Variants in PPP1R8 observed in about 807,000 individuals in gnomAD.
PPP1R8 encodes the protein nuclear inhibitor of protein phosphatase 1.
Under a neutral mutation model 31.3 loss-of-function variants are expected in PPP1R8, and 4 were observed. That is an observed-to-expected ratio of 0.13 (90% CI 0.06 to 0.29). PPP1R8 has a LOEUF of 0.29. Ranked by LOEUF, PPP1R8 falls within the 10% of genes least tolerant of loss-of-function variation. PPP1R8 has a pLI of 1.00. For missense variants in PPP1R8, 254 were observed against 440.1 expected, an observed-to-expected ratio of 0.58 and a Z score of 3.78; for synonymous variants, 170 against 169.7, an observed-to-expected ratio of 1.00 and a Z score of -0.01.
intron 2 of PPP1R8, among the ~76,000 whole-genome samples, chr1:27,836,030 G>C (rs1009186123): frequency 6.6e-6 from 1 of 152,190 alleles, no homozygotes; most frequent in Non-Finnish European, 1.5e-5. Context: ...GGGGATAATA[G>C]CAGCCCATTG....
intron 1 of PPP1R8, chr1:27,831,314 G>A (rs2089103438): frequency 1.5e-5 from 15 of 996,846 alleles, no homozygotes; most frequent in Non-Finnish European, 1.8e-5. Context: ...ATCCCTCTGT[G>A]GTTGCTGCAT....
chr1:27,843,402 G>T, intron 5 of PPP1R8, 72 bp downstream of exon 5: 2 of 1,586,750 alleles, frequency 1.3e-6, no homozygotes, highest in South Asian at 2.2e-5. Context: ...CACGCCTGTA[G>T]TCCTAGCACT....
intron 1 of PPP1R8, chr1:27,831,147 G>C: frequency 3.2e-6 from 4 of 1,262,724 alleles, no homozygotes; most frequent in Non-Finnish European, 3.0e-6. Context: ...TGAGCGATTA[G>C]CCAGTCGCCG....
intron 2 of PPP1R8, among the ~76,000 whole-genome samples, chr1:27,835,143 C>G (rs2089152737): frequency 6.6e-6 from 1 of 151,402 alleles, no homozygotes; most frequent in South Asian, 2.1e-4. Context: ...TCTAGTATGT[C>G]TTTTGGCACC....
Position 27,832,933 on chromosome 1 carries a change from C to T in PPP1R8, c.117+117C>T, listed in dbSNP as rs534143022. 14 of 868,022 alleles carry T rather than the reference C, an allele frequency of 1.6e-5. No homozygotes were observed. In the Middle Eastern group the frequency reaches 6.8e-4, roughly 42 times the overall value. The allele number at this position is 868,022 out of a possible 1,614,324, so 53.8% of individuals were successfully genotyped here. ...TCCAGCAATGCTACTTTCTTTCATC[C>T]TGATTTTTTTTTTCTGTTAAAAGCA... On this transcript the variant is annotated intron_variant, in intron 2 of 6. Coordinates refer to ENST00000311772, the MANE Select transcript of PPP1R8 (RefSeq NM_014110.5).
intron 6 of PPP1R8, among the ~76,000 whole-genome samples, chr1:27,849,355 G>T (rs1416949734): frequency 7.7e-6 from 1 of 130,052 alleles, no homozygotes; most frequent in Non-Finnish European, 1.6e-5. Context: ...TGGGCAACAA[G>T]AGTGAAACTC....
In PPP1R8 at chr1:27,836,335, C is replaced by CA. The variant is rs2089165222; in HGVS notation, c.118-2364_118-2363insA. On this transcript the variant is annotated intron_variant, in intron 2 of 6. Coordinates refer to ENST00000311772, the MANE Select transcript of PPP1R8 (RefSeq NM_014110.5). ...CATCTATAACAGTCCAGTTTATAACCGATCTGTGGCAAAGGCTTTACTGAT... is the reference window on the plus strand; with the variant it reads ...CATCTATAACAGTCCAGTTTATAACCAGATCTGTGGCAAAGGCTTTACTGAT... Among the ~76,000 whole-genome samples, 3 of 152,154 alleles carry CA rather than the reference C, an allele frequency of 2.0e-5. No homozygotes were observed. The South Asian group carries it at 6.2e-4, about 31-fold the overall frequency.
At chr1:27,843,972 G>A (rs1450181436) in intron 5 of PPP1R8, among the ~76,000 whole-genome samples, 1 of 152,130 alleles carries the variant, frequency 6.6e-6, no homozygotes, top group East Asian at 1.9e-4. Context: ...TTCCAGGGTT[G>A]GACCTAGAAA....
chr1:27,850,644 C>G lies in PPP1R8; in HGVS notation c.*198C>G, dbSNP rs1161052954. ...TAAAGACCTGTCTTCACAACACTTG[C>G]ATTGTAGAGAAAGGCTTCTTATATC... On this transcript the variant is annotated 3_prime_UTR_variant, in exon 7 of 7. Transcript: ENST00000311772. 1 of 563,328 alleles carries G rather than the reference C, an allele frequency of 1.8e-6. No homozygotes were observed. The highest frequency in any genetic ancestry group is 1.9e-5 in the African/African-American group (1 of 53,770). 34.9% of individuals were successfully genotyped at this position (563,328 alleles called of 1,614,324 possible).
chr1:27,840,151 A>T (rs547837415), intron 3 of PPP1R8, among the ~76,000 whole-genome samples: 1 of 152,244 alleles, frequency 6.6e-6, no homozygotes, highest in African/African-American at 2.4e-5. Context: ...TTCGCCTAAG[A>T]TAATCCACAG....
chr1:27,846,615 A>G (rs1297420022), intron 5 of PPP1R8, among the ~76,000 whole-genome samples: 1 of 152,240 alleles, frequency 6.6e-6, no homozygotes, highest in Non-Finnish European at 1.5e-5. Flanking sequence ...TGTCACTGAT[A>G]TGGAACTGAT....
intron 3 of PPP1R8, among the ~76,000 whole-genome samples, chr1:27,839,220 C>A (rs1184396688): frequency 6.6e-6 from 1 of 152,110 alleles, no homozygotes; most frequent in African/African-American, 2.4e-5. Context: ...AAGACCCCAT[C>A]TCTTAAAAAC....
At position 27,838,826 on chromosome 1, in the gene PPP1R8, G is replaced by T. The variant is rs201064422; in HGVS notation, c.245G>T (p.Arg82Ile). 3 of 1,608,490 alleles carry T rather than the reference G, an allele frequency of 1.9e-6. No homozygotes were observed. The highest frequency in any genetic ancestry group is 2.5e-6 in the Non-Finnish European group (3 of 1,178,106). The change falls in exon 3 of 7, where the codon AGA (arginine) becomes ATA (isoleucine). Residue 82 changes from arginine to isoleucine, a missense_variant. Transcript: ENST00000311772. ...AALVYHKHLK[R>I]VFLIDLNSTH... ...CTTGTCTACCACAAGCATCTGAAGA[G>T]AGTTTTCCTGATAGATCTCAACAGT... is the stretch of plus-strand genomic sequence containing the variant.
intron 2 of PPP1R8, chr1:27,834,298 G>A (rs1557815358): frequency 2.4e-6 from 1 of 423,110 alleles, no homozygotes; most frequent in Admixed American, 2.6e-5. Flanking sequence ...GTTGTTAAGT[G>A]TGCTGAGTTG....
intron 3 of PPP1R8, among the ~76,000 whole-genome samples, chr1:27,839,175 A>G (rs985540192): frequency 6.6e-6 from 1 of 152,048 alleles, no homozygotes; most frequent in Non-Finnish European, 1.5e-5. Context: ...GTGAGCTATG[A>G]TCACACCACT....
At chr1:27,832,936 A>AT (rs558138190) in intron 2 of PPP1R8, 120 bp downstream of exon 2, 19,225 of 747,826 alleles carry the variant, frequency 0.026, 102 homozygotes, top group Non-Finnish European at 0.03. Context: ...TTTCATCCTG[A>AT]TTTTTTTTTT....
intron 3 of PPP1R8, among the ~76,000 whole-genome samples, chr1:27,840,285 CCTA>C (rs1047499507): frequency 2.6e-5 from 4 of 152,190 alleles, no homozygotes; most frequent in African/African-American, 9.7e-5. Context: ...CCACCACTCT[CCTA>C]CTACCATACG....
intron 6 of PPP1R8, 66 bp from the exon 7 acceptor site, chr1:27,850,027 C>A: frequency 1.4e-6 from 2 of 1,407,662 alleles, no homozygotes; most frequent in African/African-American, 1.4e-5. Context: ...AAAAGCTAAC[C>A]ACTCTTGGGC....
intron 2 of PPP1R8, among the ~76,000 whole-genome samples, chr1:27,838,029 G>T (rs1285126244): frequency 1.3e-5 from 2 of 151,256 alleles, no homozygotes; most frequent in East Asian, 2.0e-4. Flanking sequence ...GGCCAACATG[G>T]TAAAACCCCG....
Sources: gnomAD v4.1 joint callset for allele counts (sites outside exome capture counted in the v4.1 genomes callset) on GRCh38, gnomAD v4.1.1 for gene constraint, MANE v1.5 for transcripts, NCBI Gene and HGNC (gene_info 2026-07-23, HGNC 2026-07-21) for gene names.